The following FHIT variants were observed in gnomAD, a reference collection of about 807,000 sequenced individuals.
FHIT encodes fragile histidine triad diadenosine triphosphatase.
Under a neutral mutation model 17.9 loss-of-function variants are expected in FHIT, and 19 were observed. The observed-to-expected ratio is 1.06, with a 90% CI of 0.74 to 1.56. The LOEUF is 1.56. FHIT is among the 40% of genes most tolerant of loss of function. The probability of loss-of-function intolerance (pLI) is 0.00; values close to 1 mark genes in which losing one functional copy is unlikely to be tolerated. For synonymous variants in FHIT, 81 were observed against 69.7 expected, an observed-to-expected ratio of 1.16 and a Z score of -0.81; for missense variants, 248 against 189.2, an observed-to-expected ratio of 1.31 and a Z score of -1.82.
At chr3:60,950,859 C>A (rs1397018775) in intron 3 of FHIT, among the ~76,000 whole-genome samples, 1 of 152,000 alleles carries the variant, frequency 6.6e-6, no homozygotes, top group Non-Finnish European at 1.5e-5. Context: ...TTAAAAGGAG[C>A]GGATTTATCT....
chr3:59,945,232 G>A (rs918321168), intron 7 of FHIT, among the ~76,000 whole-genome samples: 2 of 152,100 alleles, frequency 1.3e-5, no homozygotes, highest in African/African-American at 4.8e-5. Context: ...GGTATGAGAT[G>A]GTATCTTATT....
At chr3:60,576,949 T>TACATACAC (rs1553657814) in intron 4 of FHIT, among the ~76,000 whole-genome samples, 3 of 146,746 alleles carry the variant, frequency 2.0e-5, no homozygotes, top group Non-Finnish European at 4.5e-5. Context: ...TCCATTTGCA[T>TACATACAC]ACACACACAC....
intron 5 of FHIT, among the ~76,000 whole-genome samples, chr3:60,527,989 T>C (rs967234290): frequency 3.9e-5 from 6 of 152,220 alleles, no homozygotes. Flanking sequence ...ACAATTTTTG[T>C]TTCAGAAAGG....
chr3:59,757,806 AG>A (rs1701295418), intron 8 of FHIT, among the ~76,000 whole-genome samples: 1 of 152,192 alleles, frequency 6.6e-6, no homozygotes, highest in Non-Finnish European at 1.5e-5. Flanking sequence ...CTGTTTACAC[AG>A]GGGTTTATAT....
chr3:60,309,250 C>T (rs933627245), intron 5 of FHIT, among the ~76,000 whole-genome samples: 7 of 151,930 alleles, frequency 4.6e-5, no homozygotes, highest in African/African-American at 1.7e-4. Context: ...AAATCCACCT[C>T]ACCAAATACA....
chr3:60,212,181 C>A (rs1388529634), intron 5 of FHIT, among the ~76,000 whole-genome samples: 1 of 152,056 alleles, frequency 6.6e-6, no homozygotes, highest in African/African-American at 2.4e-5. Flanking sequence ...TTTCACTCAT[C>A]AATATGAATT....
chr3:60,117,803 G>A (rs1171902413), intron 5 of FHIT, among the ~76,000 whole-genome samples: 1 of 150,848 alleles, frequency 6.6e-6, no homozygotes, highest in Non-Finnish European at 1.5e-5. Flanking sequence ...CAGTGAAAAG[G>A]AAAAAAAAAT....
intron 5 of FHIT, among the ~76,000 whole-genome samples, chr3:60,099,831 A>G (rs1334717700): frequency 6.6e-6 from 1 of 152,200 alleles, no homozygotes; most frequent in Non-Finnish European, 1.5e-5. Context: ...TATACTGGGT[A>G]AGCTTCATGA....
At chr3:60,927,678 G>T (rs192301895) in intron 3 of FHIT, among the ~76,000 whole-genome samples, 2 of 150,942 alleles carry the variant, frequency 1.3e-5, no homozygotes, top group African/African-American at 4.9e-5. Context: ...CCGCCACCCC[G>T]TCTGGGAGGT....
At position 60,728,693 on chromosome 3, in the gene FHIT, T is replaced by TCA. The variant is rs1402065458; in HGVS notation, c.-18+93224_-18+93225dup. Among the ~76,000 whole-genome samples, 291 of 95,332 alleles carry TCA rather than the reference T, an allele frequency of 3.1e-3. 1 individual carries two copies. Among genetic ancestry groups the TCA allele is most frequent in the Non-Finnish European group, 4.0e-3 (194 of 48,564 alleles). The allele number at this position is 95,332 out of a possible 152,430, so 62.5% of individuals were successfully genotyped here. A position where few individuals can be genotyped will look rare whatever the true frequency, so the allele number is the denominator to read the frequency against. On this transcript the variant is annotated intron_variant, in intron 4 of 9. Transcript: ENST00000492590. ...CTTTTAAATCAATTTTGAAGTGTTT[T>TCA]CACACACACATACACACACACACAC...
chr3:60,188,738 A>G (rs1231780311), intron 5 of FHIT, among the ~76,000 whole-genome samples: 3 of 152,196 alleles, frequency 2.0e-5, no homozygotes, highest in Non-Finnish European at 4.4e-5. Context: ...AAACATGCAC[A>G]ATTTCCATCT....
At chr3:60,742,394 C>T (rs1577146985) in intron 4 of FHIT, among the ~76,000 whole-genome samples, 3 of 152,242 alleles carry the variant, frequency 2.0e-5, no homozygotes, top group African/African-American at 4.8e-5. Context: ...AGGGGAAGAG[C>T]ATGTTCAGTT....
intron 7 of FHIT, among the ~76,000 whole-genome samples, chr3:59,988,602 C>T (rs551457441): frequency 6.6e-6 from 1 of 152,078 alleles, no homozygotes; most frequent in Non-Finnish European, 1.5e-5. Context: ...TGGGGATACA[C>T]ATGTCCCCTG....
chr3:59,846,409 T>C (rs1036249498), intron 8 of FHIT, among the ~76,000 whole-genome samples: 6 of 152,266 alleles, frequency 3.9e-5, no homozygotes, highest in East Asian at 3.9e-4. Context: ...CTTTCTGTTG[T>C]TGATGTCATA....
intron 5 of FHIT, among the ~76,000 whole-genome samples, chr3:60,211,578 A>C (rs1206600803): frequency 6.6e-6 from 1 of 152,218 alleles, no homozygotes; most frequent in Non-Finnish European, 1.5e-5. Context: ...TATTTAAGAT[A>C]CATAACAATT....
chr3:60,667,761 T>C (rs12488640), intron 4 of FHIT, among the ~76,000 whole-genome samples: 15,139 of 152,222 alleles, frequency 0.099, 954 homozygotes, highest in Non-Finnish European at 0.13. Context: ...TCAGTAACCC[T>C]GTTAAATTAA....
intron 3 of FHIT, among the ~76,000 whole-genome samples, chr3:61,011,405 T>A (rs1176004902): frequency 3.3e-5 from 5 of 152,158 alleles, no homozygotes; most frequent in Non-Finnish European, 7.4e-5. Context: ...CCCTCATAAA[T>A]TCTTGATGAA....
intron 3 of FHIT, among the ~76,000 whole-genome samples, chr3:60,841,719 A>G (rs527897922): frequency 2.0e-5 from 3 of 152,338 alleles, no homozygotes; most frequent in African/African-American, 7.2e-5. Context: ...GCAGAGCAGC[A>G]TATCTAGCAG....
chr3:61,212,601 T>TC, intron 1 of FHIT, among the ~76,000 whole-genome samples: 1 of 152,054 alleles, frequency 6.6e-6, no homozygotes, highest in Non-Finnish European at 1.5e-5. Flanking sequence ...CAGGAGAACT[T>TC]CCCCAATCTA....
Sources: allele counts gnomAD v4.1 joint callset (sites outside exome capture counted in the v4.1 genomes callset), GRCh38; gene constraint gnomAD v4.1.1; transcripts MANE v1.5; gene names NCBI Gene and HGNC (gene_info 2026-07-23, HGNC 2026-07-21).